The following CAPN1 variants were observed in gnomAD, a reference collection of about 807,000 sequenced individuals.
CAPN1 encodes calpain-1 catalytic subunit.
In CAPN1, 77 loss-of-function variants were observed where a neutral mutation model predicts 105.2. That is an observed-to-expected ratio of 0.73 (90% CI 0.61 to 0.88). The LOEUF is 0.88. Among genes scored for constraint, CAPN1 ranks in the 40% least tolerant of loss-of-function variants. The pLI is 0.00. For missense variants in CAPN1, 833 were observed against 976.6 expected, an observed-to-expected ratio of 0.85 and a Z score of 1.96; for synonymous variants, 355 against 388.8, an observed-to-expected ratio of 0.91 and a Z score of 1.02.
chr11:65,194,007 C>T (rs970118341), intron 10 of CAPN1, among the ~76,000 whole-genome samples: 4 of 135,882 alleles, frequency 2.9e-5, no homozygotes, highest in South Asian at 2.3e-4. Flanking sequence ...CACTCTGTCA[C>T]CTCGGCTGGA....
At chr11:65,195,408 T>A (rs7102307) in intron 10 of CAPN1, among the ~76,000 whole-genome samples, 1 of 151,938 alleles carries the variant, frequency 6.6e-6, no homozygotes, top group African/African-American at 2.4e-5. Flanking sequence ...TTACAGGTGT[T>A]AGCCACCGCG....
At position 65,211,429 on chromosome 11, in the gene CAPN1, C is replaced by T. The variant is rs894691092; in HGVS notation, c.*143C>T. 1.2e-4 allele frequency: 88 copies of T among 743,896 alleles called. No individual in the cohort carries two copies. Among genetic ancestry groups the T allele is most frequent in the Non-Finnish European group, 1.8e-4 (77 of 430,026 alleles). The allele number at this position is 743,896 out of a possible 1,614,324, so 46.1% of individuals were successfully genotyped here. A position where few individuals can be genotyped will look rare whatever the true frequency, so the allele number is the denominator to read the frequency against. ...CAGCCTCGTCCTCCTGTCCCCTCTC[C>T]TCCCAGCCACCATCGTTCATCTGCT... On this transcript the variant is annotated 3_prime_UTR_variant, in exon 22 of 22. Transcript: ENST00000279247.
At chr11:65,206,406 C>A (rs1948957613) in intron 12 of CAPN1, 57 bp from the exon 13 acceptor site, 15 of 1,413,330 alleles carry the variant, frequency 1.1e-5, no homozygotes, top group Non-Finnish European at 1.4e-5. Context: ...TGGGGGTGGC[C>A]CCTGAGGGTG....
chr11:65,190,946 C>A (rs948506351), intron 10 of CAPN1, among the ~76,000 whole-genome samples: 1 of 152,128 alleles, frequency 6.6e-6, no homozygotes, highest in African/African-American at 2.4e-5. Context: ...CTCAAGTGAT[C>A]CACCTGGCTT....
rs561091632 is a variant in CAPN1 at position 65,188,202 on chromosome 11, C to T, written c.929+162C>T. The stretch of plus-strand genomic sequence containing the variant: ...GGGACTGCTCTGACAAAGCTCAGGC[C>T]GTGCGGGCCCCTGTGCCCAGCCGTC... On this transcript the variant is annotated intron_variant, in intron 8 of 21. Coordinates refer to ENST00000279247, the MANE Select transcript of CAPN1 (RefSeq NM_005186.4). This position sits in a 1 kb window ranked among gnomAD's most constrained non-coding sequence, Gnocchi z 5.5. 4.1e-5 allele frequency: 28 copies of T among 690,094 alleles called. No individual in the cohort carries two copies. The highest frequency in any genetic ancestry group is 3.6e-4 in the African/African-American group (20 of 55,530). The allele number at this position is 690,094 out of a possible 1,614,324, so 42.7% of individuals were successfully genotyped here. A position where few individuals can be genotyped will look rare whatever the true frequency, so the allele number is the denominator to read the frequency against.
intron 10 of CAPN1, among the ~76,000 whole-genome samples, chr11:65,195,100 G>GGTTTTTTTTTTTTTTTTTTTT (rs1565403828): frequency 1.1e-5 from 1 of 90,906 alleles, no homozygotes. Flanking sequence ...GTTTTTTGGG[G>GGTTTTTTTTTTTTTTTTTTTT]TTTTTTTTTT....
chr11:65,200,336 C>T (rs1948849638), intron 10 of CAPN1, among the ~76,000 whole-genome samples: 1 of 151,912 alleles, frequency 6.6e-6, no homozygotes, highest in African/African-American at 2.4e-5. Context: ...TCTGAGTCAC[C>T]ATACCCAGCT....
At chr11:65,199,492 T>G (rs999281363) in intron 10 of CAPN1, among the ~76,000 whole-genome samples, 3 of 152,226 alleles carry the variant, frequency 2.0e-5, no homozygotes, top group Non-Finnish European at 4.4e-5. Flanking sequence ...TCTAGAAAAT[T>G]TGTAGTCATG....
intron 10 of CAPN1, among the ~76,000 whole-genome samples, chr11:65,195,226 C>T (rs1240980783): frequency 6.6e-6 from 1 of 151,062 alleles, no homozygotes; most frequent in Non-Finnish European, 1.5e-5. Context: ...TCTCCTGCCT[C>T]AGCCTCCCTT....
chr11:65,206,360 C>A, intron 12 of CAPN1, 103 bp from the exon 13 acceptor site: 3 of 866,336 alleles, frequency 3.5e-6, no homozygotes, highest in Non-Finnish European at 5.7e-6. Context: ...AGCTCTCCAG[C>A]CCCTTGGCCA....
Position 65,210,915 on chromosome 11 carries a change from C to A in CAPN1, c.2118+43C>A, listed in dbSNP as rs775053429. Reference sequence around the variant, plus strand: ...CCCATGGTTGGGGAAGAGTTCCAGGCGATCGAATTTTCTTATCTGGCCAGT... The same window carrying A: ...CCCATGGTTGGGGAAGAGTTCCAGGAGATCGAATTTTCTTATCTGGCCAGT... On this transcript the variant is annotated intron_variant, in intron 21 of 21. Coordinates refer to ENST00000279247, the MANE Select transcript of CAPN1 (RefSeq NM_005186.4). The surrounding 1 kb of genome is among the most constrained non-coding windows in gnomAD (Gnocchi z 4.3). 2.0e-6 allele frequency: 3 copies of A among 1,521,734 alleles called. No homozygotes were observed. Among genetic ancestry groups the A allele is most frequent in the Non-Finnish European group, 2.7e-6 (3 of 1,096,318 alleles). The allele number at this position is 1,521,734 out of a possible 1,614,324, so 94.3% of individuals were successfully genotyped here. A position where few individuals can be genotyped will look rare whatever the true frequency, so the allele number is the denominator to read the frequency against.
At chr11:65,201,939 C>T (rs1218462307) in intron 10 of CAPN1, among the ~76,000 whole-genome samples, 5 of 152,018 alleles carry the variant, frequency 3.3e-5, no homozygotes, top group Non-Finnish European at 7.4e-5. Flanking sequence ...TTTCCTGCCT[C>T]ATCCTCCCGA....
At chr11:65,193,680 T>C (rs1030845895) in intron 10 of CAPN1, among the ~76,000 whole-genome samples, 1 of 150,528 alleles carries the variant, frequency 6.6e-6, no homozygotes, top group Admixed American at 6.6e-5. Context: ...TTTGACTTTG[T>C]TGGTCCTTTG....
chr11:65,202,421 A>ATTTT (rs1948885144), intron 10 of CAPN1, among the ~76,000 whole-genome samples: 1 of 150,848 alleles, frequency 6.6e-6, no homozygotes, highest in Non-Finnish European at 1.5e-5. Context: ...GTATATTACG[A>ATTTT]TTTTATTTAT....
rs761412242 is a variant in CAPN1, at chr11:65,209,359, C to T, written c.1766C>T (p.Ser589Leu). The T allele has an allele frequency of 3.0e-5, 48 of 1,613,614 alleles. No individual in the cohort carries two copies. Among genetic ancestry groups the T allele is most frequent in the East Asian group, 1.8e-4 (8 of 44,886 alleles). ...CGGACCAAGGGCTTCAGCCTAGAGT[C>T]GTGCCGCAGCATGGTGAACCTCATG... The part of the protein sequence containing the change: ...DLRTKGFSLE[S>L]CRSMVNLMDR... The change falls in exon 17 of 22, where the codon TCG becomes TTG. Residue 589 changes from serine (S) to leucine (L), a missense_variant. Ser to Leu is a moderately radical substitution (Grantham distance 145). Coordinates refer to ENST00000279247, the MANE Select transcript of CAPN1 (RefSeq NM_005186.4). This position sits in a 1 kb window ranked among gnomAD's most constrained non-coding sequence, Gnocchi z 4.1.
chr11:65,195,465 T>C (rs12279142), intron 10 of CAPN1, among the ~76,000 whole-genome samples: 109,136 of 152,082 alleles, frequency 0.72, 40,390 homozygotes, highest in Middle Eastern at 0.86. Flanking sequence ...GATGTGCTTT[T>C]TGTGCATCAA....
chr11:65,186,361 C>T (rs779661429), intron 6 of CAPN1, 23 bp downstream of exon 6: 189 of 1,592,626 alleles, frequency 1.2e-4, no homozygotes, highest in Middle Eastern at 1.7e-4. Flanking sequence ...GGCCCCGATG[C>T]TTTGGTACCC....
chr11:65,211,443 C>T lies in CAPN1; in HGVS notation c.*157C>T, dbSNP rs1011926492. ...TGTCCCCTCTCCTCCCAGCCACCAT[C>T]GTTCATCTGCTCCGGGCAGAACTGT... On this transcript the variant is annotated 3_prime_UTR_variant, in exon 22 of 22. Transcript: ENST00000279247. The T allele has an allele frequency of 2.8e-5, 20 of 702,608 alleles. No individual in the cohort carries two copies. Among genetic ancestry groups the T allele is most frequent in the South Asian group, 8.1e-5 (5 of 61,614 alleles). 43.5% of individuals were successfully genotyped at this position (702,608 alleles called of 1,614,324 possible).
chr11:65,196,990 A>G (rs1405707248), intron 10 of CAPN1, among the ~76,000 whole-genome samples: 1 of 152,200 alleles, frequency 6.6e-6, no homozygotes, highest in African/African-American at 2.4e-5. Flanking sequence ...GGCAGGAACT[A>G]TTATTATCCT....
Sources: gnomAD v4.1 joint callset for allele counts (sites outside exome capture counted in the v4.1 genomes callset) on GRCh38, gnomAD v4.1.1 for gene constraint, Gnocchi (gnomAD v3.1) non-coding constraint, MANE v1.5 for transcripts, NCBI Gene and HGNC (gene_info 2026-07-23, HGNC 2026-07-21) for gene names.